The following HERC3 variants were observed in gnomAD, a reference collection of about 807,000 sequenced individuals.
HERC3 encodes HECT and RLD domain containing E3 ubiquitin protein ligase 3.
Under a neutral mutation model 129.9 loss-of-function variants are expected in HERC3, and 58 were observed. The ratio of observed to expected loss-of-function variants is 0.45; its 90% CI spans 0.36 to 0.56. The LOEUF is 0.56. HERC3 is among the 20% of genes least tolerant of loss of function. The pLI, the probability that HERC3 is intolerant of heterozygous loss-of-function variation, is 0.00. For synonymous variants in HERC3, 430 were observed against 451.0 expected, an observed-to-expected ratio of 0.95 and a Z score of 0.59; for missense variants, 835 against 1,244.2, an observed-to-expected ratio of 0.67 and a Z score of 4.95.
intron 14 of HERC3, among the ~76,000 whole-genome samples, chr4:88,668,331 T>C (rs1731255481): frequency 6.6e-6 from 1 of 152,212 alleles, no homozygotes; most frequent in Admixed American, 6.5e-5. Context: ...TTCACAAACC[T>C]AATTTATTTA....
upstream of HERC3, among the ~76,000 whole-genome samples, chr4:88,591,918 C>T (rs1320090670): frequency 2.0e-5 from 3 of 152,064 alleles, no homozygotes; most frequent in South Asian, 2.1e-4. Context: ...TCGATCCCCA[C>T]CTCTCCAGAA....
At chr4:88,672,609 G>A (rs1022556662) in intron 16 of HERC3, among the ~76,000 whole-genome samples, 4 of 152,190 alleles carry the variant, frequency 2.6e-5, no homozygotes, top group Non-Finnish European at 2.9e-5. Context: ...CTGAGGCTGT[G>A]TAGTATATTA....
At chr4:88,679,698 A>G (rs937728973) in intron 19 of HERC3, among the ~76,000 whole-genome samples, 1 of 151,964 alleles carries the variant, frequency 6.6e-6, no homozygotes, top group Middle Eastern at 3.2e-3. Context: ...TTGTATTTTT[A>G]GTAGAGACAG....
At chr4:88,575,428 A>G in the HERC3 span, among the ~76,000 whole-genome samples, 4 of 152,212 alleles carry the variant, frequency 2.6e-5, no homozygotes, top group Non-Finnish European at 5.9e-5. Flanking sequence ...TGACACAGAG[A>G]TGATGTCACT....
chr4:88,649,760 AG>A, intron 3 of HERC3, 79 bp from the exon 4 acceptor site: 1 of 1,222,602 alleles, frequency 8.2e-7, no homozygotes, highest in South Asian at 1.4e-5. Flanking sequence ...AAAACTGCCC[AG>A]GAAGATAATC....
intron 11 of HERC3, among the ~76,000 whole-genome samples, chr4:88,663,036 C>G (rs1261518566): frequency 6.6e-6 from 1 of 151,582 alleles, no homozygotes; most frequent in Non-Finnish European, 1.5e-5. Flanking sequence ...GGATTGAGAG[C>G]TTTTATCAAA....
At chr4:88,650,054 T>C in intron 4 of HERC3, 55 bp downstream of exon 4, 1 of 1,538,522 alleles carries the variant, frequency 6.5e-7, no homozygotes, top group East Asian at 2.3e-5. Context: ...GCTGTTGATT[T>C]GTTAGACTCC....
At chr4:88,619,562 C>T (rs541139074) in intron 3 of HERC3, among the ~76,000 whole-genome samples, 93 of 152,122 alleles carry the variant, frequency 6.1e-4, no homozygotes, top group African/African-American at 2.1e-3. Context: ...TGTTTACAAC[C>T]GTGAGGGTTT....
At chr4:88,669,068 T>C (rs894383070) in intron 14 of HERC3, among the ~76,000 whole-genome samples, 1 of 152,190 alleles carries the variant, frequency 6.6e-6, no homozygotes, top group East Asian at 1.9e-4. Flanking sequence ...AAAGAGAACA[T>C]AATTGTTCAA....
the HERC3 span, among the ~76,000 whole-genome samples, chr4:88,557,543 G>A: frequency 2.9e-4 from 44 of 152,290 alleles, no homozygotes; most frequent in African/African-American, 1.0e-3. Context: ...GTATACAAGT[G>A]TATATATGTA....
At chr4:88,692,000 C>T (rs1410906162) in intron 23 of HERC3, among the ~76,000 whole-genome samples, 1 of 152,160 alleles carries the variant, frequency 6.6e-6, no homozygotes. Context: ...TAATTTATTC[C>T]ATTTCATTTG....
chr4:88,669,936 A>G lies in HERC3; in HGVS notation c.1710A>G (p.Leu570=), dbSNP rs754933548. ...TCTATAAAGGTGCAGTCCTTTATCT[A>G]CTGAGGGGAAGAAAGACATTCTTAA... ...VNLYKGAVLY[L]LRGRKTFLIP... is the part of the protein sequence containing the mutation. The change falls in exon 15 of 26, where the codon CTA becomes CTG. Residue 570 remains leucine (L), a synonymous_variant. Coordinates refer to ENST00000402738, the MANE Select transcript of HERC3 (RefSeq NM_014606.3). The G allele has an allele frequency of 2.5e-6, 4 of 1,613,644 alleles. No individual in the cohort carries two copies. Among genetic ancestry groups the G allele is most frequent in the East Asian group, 4.5e-5 (2 of 44,858 alleles).
In HERC3 at chr4:88,652,860, T is replaced by C. The variant is rs1729445402; in HGVS notation, c.464-9T>C. The C allele has an allele frequency of 1.2e-6, 2 of 1,601,122 alleles. No individual in the cohort carries two copies. The highest frequency in any genetic ancestry group is 1.7e-6 in the Non-Finnish European group (2 of 1,170,602). Reference sequence around the variant, plus strand: ...TTTTATGGTAATACCAGTTATCCTGTTATTTCAGATGGCCAGTTCTTCACC... The same window carrying C: ...TTTTATGGTAATACCAGTTATCCTGCTATTTCAGATGGCCAGTTCTTCACC... On this transcript the variant is annotated splice_polypyrimidine_tract_variant and intron_variant, in intron 5 of 25. Coordinates refer to ENST00000402738, the MANE Select transcript of HERC3 (RefSeq NM_014606.3).
chr4:88,664,053 A>G, intron 11 of HERC3, 100 bp from the exon 12 acceptor site: 1 of 951,460 alleles, frequency 1.1e-6, no homozygotes, highest in Non-Finnish European at 1.5e-6. Context: ...GCTGCTATTA[A>G]TGAAATCCTT....
At chr4:88,668,325 C>G (rs1731255125) in intron 14 of HERC3, among the ~76,000 whole-genome samples, 1 of 152,122 alleles carries the variant, frequency 6.6e-6, no homozygotes, top group South Asian at 2.1e-4. Context: ...ATAGTATTCA[C>G]AAACCTAATT....
At chr4:88,665,721 G>T (rs992397082) in intron 12 of HERC3, among the ~76,000 whole-genome samples, 4 of 152,144 alleles carry the variant, frequency 2.6e-5, no homozygotes, top group Non-Finnish European at 5.9e-5. Flanking sequence ...CCCTAACTGG[G>T]TTGCAGGAGG....
chr4:88,589,437 G>T (rs1721607295), upstream of HERC3, among the ~76,000 whole-genome samples: 1 of 152,082 alleles, frequency 6.6e-6, no homozygotes, highest in South Asian at 2.1e-4. Context: ...ATTTATACAG[G>T]TTAGCAAGTA....
At chr4:88,539,521 G>A in the HERC3 span, among the ~76,000 whole-genome samples, 5 of 152,220 alleles carry the variant, frequency 3.3e-5, no homozygotes, top group Non-Finnish European at 5.9e-5. Flanking sequence ...CAGCAGACAA[G>A]TTCTGCAGAC....
At chr4:88,626,344 G>T (rs1416018890) in intron 3 of HERC3, among the ~76,000 whole-genome samples, 1 of 151,956 alleles carries the variant, frequency 6.6e-6, no homozygotes, top group African/African-American at 2.4e-5. Context: ...ACTGTGCCTG[G>T]CTCCATGTTT....
Sources: gnomAD v4.1 joint callset for allele counts (sites outside exome capture counted in the v4.1 genomes callset) on GRCh38, gnomAD v4.1.1 for gene constraint, MANE v1.5 for transcripts, NCBI Gene and HGNC (gene_info 2026-07-23, HGNC 2026-07-21) for gene names.